MASP1: variants seen among roughly 807,000 people sequenced by gnomAD.
The protein encoded by MASP1 is mannan-binding lectin serine protease 1.
MASP1 carries 59 observed loss-of-function variants against 77.1 expected under a neutral mutation model. That is an observed-to-expected ratio of 0.77 (90% CI 0.62 to 0.95). The LOEUF (loss-of-function observed/expected upper bound fraction) is 0.95. Ranked by LOEUF, MASP1 falls within the 40% of genes least tolerant of loss-of-function variation. The probability of loss-of-function intolerance (pLI) is 0.00; values close to 1 mark genes in which losing one functional copy is unlikely to be tolerated. For missense variants in MASP1, 885 were observed against 912.9 expected (o/e 0.97, Z 0.39); for synonymous variants, 362 against 354.5 (o/e 1.02, Z -0.24).
chr3:187,270,372 G>A (rs887232334), intron 2 of MASP1, among the ~76,000 whole-genome samples: 1 of 152,046 alleles, frequency 6.6e-6, no homozygotes, highest in Non-Finnish European at 1.5e-5. Context: ...GTTCCAATTG[G>A]GATCTTCATC....
chr3:187,290,279 C>T (rs1718203853), intron 1 of MASP1, among the ~76,000 whole-genome samples: 2 of 152,038 alleles, frequency 1.3e-5, no homozygotes, highest in African/African-American at 4.8e-5. Context: ...GATATTTGTG[C>T]CAGCTTGAAC....
At chr3:187,260,907 G>A (rs1382686417) in intron 3 of MASP1, 35 bp from the exon 4 acceptor site, 1 of 1,613,280 alleles carries the variant, frequency 6.2e-7, no homozygotes, top group Non-Finnish European at 8.5e-7. Flanking sequence ...ATCAATACAT[G>A]CATGATGATG....
At chr3:187,251,324 C>A (rs1714566106) in intron 7 of MASP1, 1 of 357,524 alleles carries the variant, frequency 2.8e-6, no homozygotes, top group Non-Finnish European at 5.3e-6. Context: ...CCTCTATAAG[C>A]CCGATGAACT....
At chr3:187,243,355 G>A (rs1057391753) in intron 9 of MASP1, 129 bp downstream of exon 9, 21 of 930,872 alleles carry the variant, frequency 2.3e-5, no homozygotes, top group African/African-American at 8.1e-5. Flanking sequence ...TGAGTGACAC[G>A]TTTTGCATTA....
chr3:187,242,524 A>T (rs1297419835), intron 9 of MASP1: 1 of 152,670 alleles, frequency 6.6e-6, no homozygotes, highest in East Asian at 1.9e-4. Flanking sequence ...AAACAAAAAC[A>T]AAAACAAAGA....
intron 4 of MASP1, among the ~76,000 whole-genome samples, chr3:187,259,853 C>A (rs1195528614): frequency 6.6e-6 from 1 of 152,184 alleles, no homozygotes; most frequent in Non-Finnish European, 1.5e-5. Context: ...AGATTTCAAG[C>A]ACAGATGCTT....
chr3:187,283,750 A>T (rs1043016451), intron 2 of MASP1, among the ~76,000 whole-genome samples: 3 of 152,198 alleles, frequency 2.0e-5, no homozygotes, highest in African/African-American at 7.2e-5. Context: ...CATGGAACTT[A>T]TTGTCATATT....
At chr3:187,238,944 G>A (rs1271783609) in intron 10 of MASP1, among the ~76,000 whole-genome samples, 1 of 152,164 alleles carries the variant, frequency 6.6e-6, no homozygotes, top group Non-Finnish European at 1.5e-5. Context: ...TTCTGGCCTA[G>A]TCCAATGATA....
intron 2 of MASP1, among the ~76,000 whole-genome samples, chr3:187,277,639 C>G (rs1053219460): frequency 6.6e-6 from 1 of 152,154 alleles, no homozygotes; most frequent in Admixed American, 6.5e-5. Context: ...CATGGAGACA[C>G]AGAACCATGA....
chr3:187,243,974 T>C, intron 8 of MASP1: 1 of 315,846 alleles, frequency 3.2e-6, no homozygotes, highest in Non-Finnish European at 6.1e-6. Context: ...CAATCCTCTC[T>C]GCCTCTTCTG....
At chr3:187,263,138 G>A (rs530654610) in intron 2 of MASP1, 124 of 244,006 alleles carry the variant, frequency 5.1e-4, no homozygotes, top group Non-Finnish European at 8.1e-4. Flanking sequence ...GCCTACTGCC[G>A]AGCAAAGCAT....
At chr3:187,288,617 T>A (rs1023376747) in intron 1 of MASP1, among the ~76,000 whole-genome samples, 1 of 152,234 alleles carries the variant, frequency 6.6e-6, no homozygotes, top group Non-Finnish European at 1.5e-5. Context: ...AATTATTCCA[T>A]CCTGCCAGTT....
Position 187,235,331 on chromosome 3 carries a change from A to C in MASP1, c.*353T>G. 1 of 1,364,520 alleles carries C rather than the reference A, an allele frequency of 7.3e-7. No homozygotes were observed. Among genetic ancestry groups the C allele is most frequent in the Admixed American group, 2.2e-5 (1 of 45,722 alleles). The allele number at this position is 1,364,520 out of a possible 1,614,324, so 84.5% of individuals were successfully genotyped here. On this transcript the variant is annotated 3_prime_UTR_variant, in exon 11 of 11. Coordinates refer to ENST00000296280, the MANE Select transcript of MASP1 (RefSeq NM_139125.4). The stretch of plus-strand genomic sequence containing the variant: ...ACCAACAGTAGGACCGATGGGTTTG[A>C]TAAGTGGTCAGGAGTGAATAAAGGC...
intron 2 of MASP1, among the ~76,000 whole-genome samples, chr3:187,268,377 C>A (rs1304350156): frequency 6.6e-6 from 1 of 151,788 alleles, no homozygotes; most frequent in African/African-American, 2.4e-5. Flanking sequence ...GTCCCAGCTA[C>A]CCTGGAGGCT....
intron 14 of MASP1, chr3:187,223,025 C>T: frequency 1.9e-6 from 2 of 1,038,380 alleles, no homozygotes; most frequent in East Asian, 2.4e-5. Flanking sequence ...CACTCACCAA[C>T]CCCCACCCAA....
At chr3:187,245,828 A>G (rs1398884360) in intron 8 of MASP1, among the ~76,000 whole-genome samples, 1 of 152,064 alleles carries the variant, frequency 6.6e-6, no homozygotes, top group African/African-American at 2.4e-5. Context: ...CCAACACCCT[A>G]TCTCCATGGT....
intron 7 of MASP1, among the ~76,000 whole-genome samples, chr3:187,250,922 G>C (rs1714519975): frequency 6.6e-6 from 1 of 152,140 alleles, no homozygotes; most frequent in Admixed American, 6.5e-5. Context: ...TAGAACTACT[G>C]CTTCTGGGGG....
chr3:187,226,385 A>T, intron 12 of MASP1: 1 of 1,558,202 alleles, frequency 6.4e-7, no homozygotes, highest in African/African-American at 1.4e-5. Flanking sequence ...TTTGGGAGTC[A>T]GCTTGCCCCT....
At chr3:187,271,819 C>A (rs1455914842) in intron 2 of MASP1, among the ~76,000 whole-genome samples, 2 of 152,152 alleles carry the variant, frequency 1.3e-5, no homozygotes, top group Non-Finnish European at 2.9e-5. Flanking sequence ...TCTGCTATCA[C>A]CCTCCTCCCC....
Sources: allele counts gnomAD v4.1 joint callset (sites outside exome capture counted in the v4.1 genomes callset), GRCh38; gene constraint gnomAD v4.1.1; transcripts MANE v1.5; gene names NCBI Gene and HGNC (gene_info 2026-07-23, HGNC 2026-07-21).